The following ABLIM1 variants were observed in gnomAD, a reference collection of about 807,000 sequenced individuals.
The protein encoded by ABLIM1 is actin binding LIM protein 1.
Under a neutral mutation model 107.0 loss-of-function variants are expected in ABLIM1, and 40 were observed. That is an observed-to-expected ratio of 0.37 (90% confidence interval 0.29 to 0.49). The LOEUF (loss-of-function observed/expected upper bound fraction) is 0.49, where lower values mean the gene tolerates loss of function less well. Ranked by LOEUF, ABLIM1 falls within the 20% of genes least tolerant of loss-of-function variation. ABLIM1 has a pLI of 0.97. For synonymous variants in ABLIM1, 357 were observed against 357.3 expected (o/e 1.00, Z 0.01); for missense variants, 857 against 1,008.5 (o/e 0.85, Z 2.04).
At chr10:114,520,395 G>A (rs2136407999) in intron 6 of ABLIM1, among the ~76,000 whole-genome samples, 1 of 151,982 alleles carries the variant, frequency 6.6e-6, no homozygotes, top group East Asian at 1.9e-4. Context: ...AAAATTCTTA[G>A]GCATTTTCCT....
chr10:114,618,531 G>A (rs1424297509), intron 1 of ABLIM1, among the ~76,000 whole-genome samples: 4 of 152,210 alleles, frequency 2.6e-5, no homozygotes, highest in Non-Finnish European at 4.4e-5. Context: ...TGGTAGAGAC[G>A]TGATTTGCCC....
At chr10:114,658,300 CT>C, upstream of ABLIM1, 1 of 1,508,008 alleles carries the variant, frequency 6.6e-7, no homozygotes, top group African/African-American at 1.4e-5. Flanking sequence ...TTACTGTCTC[CT>C]TTTCTCACTG....
exon 1 of ABLIM1, chr10:114,684,532 T>C: frequency 7.1e-7 from 1 of 1,405,302 alleles, no homozygotes; most frequent in South Asian, 1.7e-5. Flanking sequence ...GCAGGAAGAA[T>C]GAGGAGTTTC....
chr10:114,684,598 G>C, exon 1 of ABLIM1: 3 of 1,303,046 alleles, frequency 2.3e-6, no homozygotes, highest in East Asian at 2.8e-5. Context: ...TTCTTCTCTC[G>C]ACCCTGCCCC....
At chr10:114,689,550 C>T (rs945340919), upstream of ABLIM1, among the ~76,000 whole-genome samples, 9 of 151,636 alleles carry the variant, frequency 5.9e-5, no homozygotes, top group African/African-American at 1.7e-4. Context: ...TTATTAGCGA[C>T]GGGGTTTCGC....
chr10:114,445,087 C>A (rs2060814896), intron 16 of ABLIM1, among the ~76,000 whole-genome samples: 1 of 152,218 alleles, frequency 6.6e-6, no homozygotes, highest in Admixed American at 6.5e-5. Context: ...ACCCCTCTGA[C>A]CTCCAGCACC....
At chr10:114,468,496 T>A (rs555085231) in intron 10 of ABLIM1, among the ~76,000 whole-genome samples, 2 of 152,088 alleles carry the variant, frequency 1.3e-5, no homozygotes, top group Non-Finnish European at 2.9e-5. Flanking sequence ...GGATGGTCTC[T>A]ATCTTCTGAC....
chr10:114,716,358 A>C (rs2081660445), intron 1 of ABLIM1, among the ~76,000 whole-genome samples: 1 of 151,134 alleles, frequency 6.6e-6, no homozygotes. Context: ...AGGTAGATGC[A>C]TGAGAGGTAT....
chr10:114,637,118 C>A (rs1234523242), intron 1 of ABLIM1, among the ~76,000 whole-genome samples: 1 of 150,706 alleles, frequency 6.6e-6, no homozygotes, highest in Non-Finnish European at 1.5e-5. Flanking sequence ...CAAATGCAGA[C>A]ACCTGGTCCC....
chr10:114,601,887 T>G lies in ABLIM1; in HGVS notation c.319A>C (p.Lys107Gln). The G allele has an allele frequency of 6.2e-7, 1 of 1,614,152 alleles. No homozygotes were observed. Among genetic ancestry groups the G allele is most frequent in the Non-Finnish European group, 8.5e-7 (1 of 1,180,024 alleles). ...IHCHKCGEPC[K>Q]GEVLRVQTKH... The stretch of plus-strand genomic sequence containing the variant: ...GTCTGGACCCGAAGCACTTCACCCT[T>G]GCAAGGCTCCCCACATTTATGGCAG... The change falls in exon 2 of 23, where the codon AAG (lysine) becomes CAG (glutamine). Residue 107 changes from lysine (K) to glutamine (Q), a missense_variant. Lys to Gln is a moderately conservative substitution (Grantham distance 53). This residue lies in a region of ABLIM1 where 176 missense variants were observed against 173.5 expected (regional missense o/e 1.01). Coordinates refer to ENST00000533213, the MANE Select transcript of ABLIM1 (RefSeq NM_002313.7).
intron 1 of ABLIM1, among the ~76,000 whole-genome samples, chr10:114,714,909 CCTT>C (rs763652510): frequency 6.6e-6 from 1 of 152,092 alleles, no homozygotes; most frequent in Non-Finnish European, 1.5e-5. Flanking sequence ...TCTCTGTCTC[CCTT>C]CTTCTCTCCC....
intron 1 of ABLIM1, among the ~76,000 whole-genome samples, chr10:114,719,580 T>A (rs1306217374): frequency 6.6e-6 from 1 of 152,212 alleles, no homozygotes; most frequent in Non-Finnish European, 1.5e-5. Flanking sequence ...ACTATACAGT[T>A]CTAGATATTG....
chr10:114,645,238 G>A (rs2078962409), intron 1 of ABLIM1, among the ~76,000 whole-genome samples: 1 of 152,062 alleles, frequency 6.6e-6, no homozygotes. Context: ...AAACAATGGT[G>A]ATGGGGAGGT....
intron 12 of ABLIM1, among the ~76,000 whole-genome samples, chr10:114,458,087 A>T (rs1167641369): frequency 6.9e-6 from 1 of 144,676 alleles, no homozygotes; most frequent in Non-Finnish European, 1.5e-5. Flanking sequence ...CAAAAAACAA[A>T]ACTACTCTGT....
rs2078213978 is a variant in ABLIM1 at position 114,631,991 on chromosome 10, G to A, written c.244+25966C>T. ...AACTCTGGGAGTGGAAGCGCGCCTCGGCAGACAGATCCGCGGGCGCTGGGG... is the reference window on the plus strand; with the variant it reads ...AACTCTGGGAGTGGAAGCGCGCCTCAGCAGACAGATCCGCGGGCGCTGGGG... On this transcript the variant is annotated intron_variant, in intron 1 of 22. Coordinates refer to ENST00000533213, the MANE Select transcript of ABLIM1 (RefSeq NM_002313.7). The A allele has an allele frequency of 1.1e-5, 14 of 1,300,440 alleles. No individual in the cohort carries two copies. In the Admixed American group the frequency reaches 2.1e-4, roughly 19 times the overall value. The allele number at this position is 1,300,440 out of a possible 1,614,324, so 80.6% of individuals were successfully genotyped here. A position where few individuals can be genotyped will look rare whatever the true frequency, so the allele number is the denominator to read the frequency against.
intron 2 of ABLIM1, among the ~76,000 whole-genome samples, chr10:114,587,436 A>AT (rs994639751): frequency 1.5e-4 from 23 of 151,812 alleles, no homozygotes; most frequent in Non-Finnish European, 3.1e-4. Flanking sequence ...ACATGATCTG[A>AT]TTTTTTTTTA....
chr10:114,734,215 T>C lies in ABLIM1; in HGVS notation c.-213+33846A>G, dbSNP rs1591910108. Among the ~76,000 whole-genome samples, 7 of 152,238 alleles carry C rather than the reference T, an allele frequency of 4.6e-5. No individual in the cohort carries two copies. The South Asian group carries it at 6.2e-4, about 14-fold the overall frequency. The stretch of plus-strand genomic sequence containing the variant: ...GTAACTCTAACTGGTCTTCCTGCCT[T>C]TGTTCCCTGCCCCAGCTCCTTGTCA... On this transcript the variant is annotated intron_variant, in intron 1 of 15. Coordinates refer to the ABLIM1 transcript ENST00000651092.
At chr10:114,444,537 G>A (rs1345382099) in intron 16 of ABLIM1, among the ~76,000 whole-genome samples, 2 of 152,026 alleles carry the variant, frequency 1.3e-5, no homozygotes, top group South Asian at 2.1e-4. Context: ...GGTAATACAT[G>A]CTAATTTTAC....
At position 114,545,053 on chromosome 10, in the gene ABLIM1, C is replaced by T; in HGVS notation, c.846G>A (p.Gly282=). 2 of 1,614,150 alleles carry T rather than the reference C, an allele frequency of 1.2e-6. No individual in the cohort carries two copies. Among genetic ancestry groups the T allele is most frequent in the African/African-American group, 2.7e-5 (2 of 75,024 alleles). Residue 282 remains glycine, a synonymous_variant, in exon 6 of 23, where the codon GGG becomes GGA. Coordinates refer to ENST00000533213, the MANE Select transcript of ABLIM1 (RefSeq NM_002313.7). ...YCEKDYQGLF[G]VKCEACHQFI... ...ACTGGTGACACGCCTCACATTTCAC[C>T]CCAAAGAGTCCCTGGTAGTCCTTTT... is the stretch of plus-strand genomic sequence containing the variant.
Sources: allele counts gnomAD v4.1 joint callset (sites outside exome capture counted in the v4.1 genomes callset), GRCh38; gene constraint gnomAD v4.1.1; regional missense constraint gnomAD v4.1.1; transcripts MANE v1.5; gene names NCBI Gene and HGNC (gene_info 2026-07-23, HGNC 2026-07-21).